CERK: variants seen among roughly 807,000 people sequenced by gnomAD.
CERK encodes acylsphingosine kinase.
In CERK, 39 loss-of-function variants were observed where a neutral mutation model predicts 63.4. The observed-to-expected ratio is 0.61, with a 90% CI of 0.48 to 0.80. The LOEUF is 0.80. CERK is among the 30% of genes least tolerant of loss of function. CERK has a pLI of 0.00. For synonymous variants in CERK, 302 were observed against 280.0 expected, an observed-to-expected ratio of 1.08 and a Z score of -0.78; for missense variants, 670 against 714.1, an observed-to-expected ratio of 0.94 and a Z score of 0.70.
intron 12 of CERK, among the ~76,000 whole-genome samples, chr22:46,687,621 C>T (rs77299893): frequency 9.9e-5 from 15 of 151,514 alleles, no homozygotes; most frequent in African/African-American, 3.1e-4. Context: ...GTACTGAGCG[C>T]GCAAGGCCTG....
rs147892655 is a variant in CERK at position 46,712,186 on chromosome 22, T to C, written c.487A>G (p.Ile163Val). 3.1e-6 allele frequency: 5 copies of C among 1,614,214 alleles called. No homozygotes were observed. The Admixed American group carries it at 5.0e-5, about 16-fold the overall frequency. Residue 163 changes from isoleucine to valine, a missense_variant, in exon 4 of 13, where the codon ATC becomes GTC. By Grantham distance (29) the Ile-to-Val change is conservative. Coordinates refer to ENST00000216264, the MANE Select transcript of CERK (RefSeq NM_022766.6). ...KVAPLFTLAS[I>V]TTDIIVTEHA... The stretch of plus-strand genomic sequence containing the variant: ...TTGTTACCGATGATGTCAGTGGTGA[T>C]GGAGGCTAAGGTGAACAGTGGTGCC...
At chr22:46,702,440 C>T (rs979110566) in intron 6 of CERK, among the ~76,000 whole-genome samples, 12 of 151,960 alleles carry the variant, frequency 7.9e-5, no homozygotes, top group Non-Finnish European at 1.3e-4. Flanking sequence ...TACAGGCACG[C>T]GCCACCACGC....
chr22:46,692,403 G>C (rs1257814626), intron 10 of CERK, among the ~76,000 whole-genome samples: 2 of 142,384 alleles, frequency 1.4e-5, no homozygotes, highest in East Asian at 4.0e-4. Flanking sequence ...TCCAGACTGG[G>C]CAACAAGAGT....
intron 3 of CERK, among the ~76,000 whole-genome samples, chr22:46,713,340 T>TA (rs34241377): frequency 2.2e-4 from 33 of 147,400 alleles, no homozygotes; most frequent in Admixed American, 6.8e-4. Context: ...CCGTCTCTAC[T>TA]AAAAAAAAAT....
At chr22:46,690,284 G>A (rs76350730) in intron 11 of CERK, 84 bp from the exon 12 acceptor site, 29,930 of 1,101,208 alleles carry the variant, frequency 0.027, 2,366 homozygotes, top group East Asian at 0.25. Context: ...GCCTGACAGC[G>A]AGCGCTGTCA....
At chr22:46,690,444 CCCCGG>C (rs1284215448) in intron 11 of CERK, among the ~76,000 whole-genome samples, 11 of 152,038 alleles carry the variant, frequency 7.2e-5, no homozygotes, top group Non-Finnish European at 1.6e-4. Context: ...CGCCTACCTT[CCCCGG>C]TGCCCACCTT....
rs1274348803 is a variant in CERK at position 46,713,526 on chromosome 22, A to AC, written c.380-1234_380-1233insG. ...TTCATCTCAAAAAAAAAAAAAAAAA[A>AC]AAACAAACAAACAAAAAAACACAGA... is the stretch of plus-strand genomic sequence containing the variant. On this transcript the variant is annotated intron_variant, in intron 3 of 12. Transcript: ENST00000216264. Among the ~76,000 whole-genome samples, 1,114 of 147,878 alleles carry AC rather than the reference A, an allele frequency of 7.5e-3. 4 individuals are homozygous for AC. Among genetic ancestry groups the AC allele is most frequent in the East Asian group, 0.018 (92 of 5,008 alleles).
intron 1 of CERK, among the ~76,000 whole-genome samples, chr22:46,729,569 C>T (rs1405821396): frequency 1.3e-5 from 2 of 151,964 alleles, no homozygotes; most frequent in South Asian, 4.2e-4. Context: ...CAACACCCAG[C>T]CTCCAAAAAA....
chr22:46,700,048 C>A (rs977648967), intron 7 of CERK, among the ~76,000 whole-genome samples: 3 of 151,528 alleles, frequency 2.0e-5, no homozygotes, highest in African/African-American at 7.3e-5. Flanking sequence ...GAGATCATAC[C>A]ACTGTACTCC....
In CERK at chr22:46,685,406, G is replaced by T. The variant is rs2082695171; in HGVS notation, c.*1728C>A. 1 of 152,312 alleles carries T rather than the reference G, an allele frequency of 6.6e-6. No homozygotes were observed. Among genetic ancestry groups the T allele is most frequent in the Non-Finnish European group, 1.5e-5 (1 of 68,092 alleles). The allele number at this position is 152,312 out of a possible 1,614,324, so 9.4% of individuals were successfully genotyped here. A position where few individuals can be genotyped will look rare whatever the true frequency, so the allele number is the denominator to read the frequency against. The stretch of plus-strand genomic sequence containing the variant: ...TACCAGGGACAATAAAGGCTTAGAA[G>T]AACCTTTTGGGGAAACTTTGTGAGG... On this transcript the variant is annotated 3_prime_UTR_variant, in exon 13 of 13. Coordinates refer to ENST00000216264, the MANE Select transcript of CERK (RefSeq NM_022766.6).
chr22:46,719,234 A>G (rs2082880712), intron 3 of CERK, among the ~76,000 whole-genome samples: 1 of 151,768 alleles, frequency 6.6e-6, no homozygotes, highest in African/African-American at 2.4e-5. Flanking sequence ...GGTTTGTTAT[A>G]TAGGTAAAGT....
intron 1 of CERK, among the ~76,000 whole-genome samples, chr22:46,724,493 G>A (rs1477302130): frequency 1.3e-5 from 2 of 152,172 alleles, no homozygotes; most frequent in Non-Finnish European, 2.9e-5. Flanking sequence ...CTGGAGTGGT[G>A]CGGCCATGGT....
chr22:46,731,828 C>T (rs2082946853), intron 1 of CERK, among the ~76,000 whole-genome samples: 1 of 152,148 alleles, frequency 6.6e-6, no homozygotes, highest in African/African-American at 2.4e-5. Context: ...TGTAGCAGGG[C>T]AGGGTGTCTA....
chr22:46,716,907 C>G (rs1475281406), intron 3 of CERK, among the ~76,000 whole-genome samples: 5 of 151,540 alleles, frequency 3.3e-5, no homozygotes, highest in African/African-American at 1.2e-4. Flanking sequence ...TGCCCTCCAG[C>G]CTGGGCAACA....
intron 12 of CERK, 63 bp from the exon 13 acceptor site, chr22:46,687,269 C>T: frequency 7.5e-7 from 1 of 1,342,204 alleles, no homozygotes. Context: ...GGCCTGAGCC[C>T]CACTCCTGGA....
intron 12 of CERK, among the ~76,000 whole-genome samples, chr22:46,689,574 A>G (rs2082719782): frequency 6.6e-6 from 1 of 152,076 alleles, no homozygotes; most frequent in Admixed American, 6.6e-5. Flanking sequence ...GGGTTTCACC[A>G]TGTTGGCGAG....
intron 12 of CERK, among the ~76,000 whole-genome samples, chr22:46,687,736 G>C (rs557578571): frequency 6.6e-6 from 1 of 152,318 alleles, no homozygotes; most frequent in Admixed American, 6.5e-5. Context: ...TCGGGCTTGA[G>C]GAACAAGTTG....
At chr22:46,729,471 C>T (rs1331351654) in intron 1 of CERK, among the ~76,000 whole-genome samples, 4 of 152,032 alleles carry the variant, frequency 2.6e-5, no homozygotes, top group Non-Finnish European at 5.9e-5. Flanking sequence ...TACAGTGGTA[C>T]AATCATGGAA....
chr22:46,704,331 T>C (rs575904739), intron 6 of CERK, among the ~76,000 whole-genome samples: 1 of 152,312 alleles, frequency 6.6e-6, no homozygotes, highest in East Asian at 1.9e-4. Flanking sequence ...GCACTGCCAC[T>C]GGCAAATGGT....
Sources: allele counts gnomAD v4.1 joint callset (sites outside exome capture counted in the v4.1 genomes callset), GRCh38; gene constraint gnomAD v4.1.1; transcripts MANE v1.5; gene names NCBI Gene and HGNC (gene_info 2026-07-23, HGNC 2026-07-21).